Variants in EEFSEC observed in about 807,000 individuals in gnomAD.
EEFSEC encodes selenocysteine-specific elongation factor.
EEFSEC carries 43 observed loss-of-function variants against 42.1 expected under a neutral mutation model. The observed-to-expected ratio is 1.02, with a 90% CI of 0.80 to 1.32. The LOEUF is 1.32. EEFSEC is among the 40% of genes most tolerant of loss of function. The probability of loss-of-function intolerance (pLI) is 0.00; values close to 1 mark genes in which losing one functional copy is unlikely to be tolerated. For synonymous variants in EEFSEC, 354 were observed against 339.1 expected (o/e 1.04, Z -0.48); for missense variants, 745 against 803.6 (o/e 0.93, Z 0.88).
At chr3:128,342,392 T>C (rs2067266118) in intron 5 of EEFSEC, among the ~76,000 whole-genome samples, 1 of 152,168 alleles carries the variant, frequency 6.6e-6, no homozygotes, top group African/African-American at 2.4e-5. Flanking sequence ...GCCAGGTCTT[T>C]CCTCACCTGT....
chr3:128,184,096 G>A (rs1454243921), intron 1 of EEFSEC, among the ~76,000 whole-genome samples: 2 of 152,112 alleles, frequency 1.3e-5, no homozygotes, highest in Non-Finnish European at 2.9e-5. Flanking sequence ...GATTGATCTG[G>A]CCTTCCAGAT....
intron 1 of EEFSEC, 86 bp downstream of exon 1, chr3:128,153,909 C>T (rs1944311544): frequency 1.4e-6 from 2 of 1,415,272 alleles, no homozygotes; most frequent in Non-Finnish European, 1.8e-6. Context: ...GAGCCTTTGC[C>T]GGGACGGGAA....
chr3:128,276,226 C>A (rs948939774), intron 4 of EEFSEC, among the ~76,000 whole-genome samples: 1 of 152,200 alleles, frequency 6.6e-6, no homozygotes, highest in Non-Finnish European at 1.5e-5. Flanking sequence ...CATTATTTCT[C>A]ACACTCAGCT....
chr3:128,367,832 A>C (rs1480821822), intron 6 of EEFSEC: 1 of 985,176 alleles, frequency 1.0e-6, no homozygotes, highest in African/African-American at 1.7e-5. Context: ...CACCCATTTC[A>C]TCTGGAATGC....
chr3:128,216,797 A>G (rs901489849), intron 1 of EEFSEC, among the ~76,000 whole-genome samples: 1 of 152,234 alleles, frequency 6.6e-6, no homozygotes, highest in Admixed American at 6.5e-5. Context: ...TGTGGTCCCC[A>G]TAGTTGTGAC....
Position 128,341,469 on chromosome 3 carries a change from T to G in EEFSEC, c.1023T>G (p.His341Gln), listed in dbSNP as rs764779765. 3 of 1,614,168 alleles carry G rather than the reference T, an allele frequency of 1.9e-6. No homozygotes were observed. The South Asian group carries it at 3.3e-5, about 18-fold the overall frequency. ...CCAAGTTCCACATTACAGTGGGCCA[T>G]GAAACAGTCATGGGCCGGTTGATGT... ...TKAKFHITVG[H>Q]ETVMGRLMFF... Residue 341 changes from histidine to glutamine, a missense_variant, in exon 5 of 7, where the codon CAT becomes CAG. Physicochemically the swap from His to Gln is conservative, Grantham distance 24. Coordinates refer to ENST00000254730, the MANE Select transcript of EEFSEC (RefSeq NM_021937.5).
chr3:128,212,775 G>C (rs1249542473), intron 1 of EEFSEC, among the ~76,000 whole-genome samples: 1 of 152,126 alleles, frequency 6.6e-6, no homozygotes, highest in African/African-American at 2.4e-5. Flanking sequence ...AGTCTCTGTG[G>C]GCTTGGACAG....
intron 1 of EEFSEC, among the ~76,000 whole-genome samples, chr3:128,236,744 C>T (rs566649427): frequency 7.2e-5 from 11 of 152,200 alleles, no homozygotes; most frequent in East Asian, 1.9e-4. Flanking sequence ...ACTCCTTCTC[C>T]GCTGAGTCTG....
chr3:128,300,540 T>C (rs1484488467), intron 4 of EEFSEC, among the ~76,000 whole-genome samples: 5 of 62,764 alleles, frequency 8.0e-5, no homozygotes, highest in African/African-American at 3.6e-4. Context: ...AGACTCTGTC[T>C]GAAAAAAAAA....
chr3:128,343,223 C>G (rs939357802), intron 5 of EEFSEC, among the ~76,000 whole-genome samples: 1 of 152,196 alleles, frequency 6.6e-6, no homozygotes, highest in African/African-American at 2.4e-5. Flanking sequence ...CGCTCCAGGT[C>G]TCCGTCCACA....
At chr3:128,369,923 A>G (rs895808536) in intron 6 of EEFSEC, among the ~76,000 whole-genome samples, 2 of 152,242 alleles carry the variant, frequency 1.3e-5, no homozygotes, top group African/African-American at 2.4e-5. Flanking sequence ...ATTCTCCTGC[A>G]GAACCACAAC....
At chr3:128,258,610 G>A (rs1176246120) in intron 2 of EEFSEC, among the ~76,000 whole-genome samples, 2 of 152,202 alleles carry the variant, frequency 1.3e-5, no homozygotes, top group Non-Finnish European at 2.9e-5. Flanking sequence ...ATATGGGAAT[G>A]ATGACAGAAG....
At chr3:128,200,143 C>G (rs1251758913) in intron 1 of EEFSEC, among the ~76,000 whole-genome samples, 1 of 152,170 alleles carries the variant, frequency 6.6e-6, no homozygotes, top group Non-Finnish European at 1.5e-5. Flanking sequence ...ATCATACACA[C>G]CTGGGCTTAT....
the EEFSEC span, among the ~76,000 whole-genome samples, chr3:128,420,851 G>C: frequency 2.6e-5 from 4 of 152,096 alleles, no homozygotes; most frequent in African/African-American, 9.7e-5. Flanking sequence ...AGGCCCCACT[G>C]TGCCCCCTCC....
Position 128,317,745 on chromosome 3 carries a change from C to T in EEFSEC, c.787-23488C>T, listed in dbSNP as rs908475131. Among the ~76,000 whole-genome samples, 3 of 152,260 alleles carry T rather than the reference C, an allele frequency of 2.0e-5. No homozygotes were observed. The highest frequency in any genetic ancestry group is 2.9e-5 in the Non-Finnish European group (2 of 68,042). The stretch of plus-strand genomic sequence containing the variant: ...TTGTGCTCACGTACCATTCTCTCGC[C>T]GGCTGCTGACCAGTTGGGCCCTCTG... On this transcript the variant is annotated intron_variant, in intron 4 of 6. Coordinates refer to ENST00000254730, the MANE Select transcript of EEFSEC (RefSeq NM_021937.5). This position sits in a 1 kb window ranked among gnomAD's most constrained non-coding sequence, Gnocchi z 4.1.
intron 1 of EEFSEC, among the ~76,000 whole-genome samples, chr3:128,188,971 A>T (rs2065492588): frequency 6.6e-6 from 1 of 152,160 alleles, no homozygotes; most frequent in Non-Finnish European, 1.5e-5. Context: ...GGGGAGTTGG[A>T]CAGGTAGGGG....
chr3:128,341,240 A>AG lies in EEFSEC; in HGVS notation c.795dup (p.Lys266GlufsTer29). 2 of 1,604,948 alleles carry AG rather than the reference A, an allele frequency of 1.2e-6. No homozygotes were observed. Among genetic ancestry groups the AG allele is most frequent in the Non-Finnish European group, 1.7e-6 (2 of 1,175,152 alleles). On this transcript the variant is annotated frameshift_variant, in exon 5 of 7. Transcript: ENST00000254730. LOFTEE classifies it high-confidence loss of function. ...TTGCTTACTCCCCATCAGGTGGTGA[A>AG]GAAGGTGAAGTCCATGCAGATGTTC...
chr3:128,362,692 A>C (rs1192164614), intron 6 of EEFSEC, among the ~76,000 whole-genome samples: 2 of 152,182 alleles, frequency 1.3e-5, no homozygotes, highest in African/African-American at 2.4e-5. Context: ...ACTGATTCTC[A>C]CCAGGTAACA....
intron 4 of EEFSEC, among the ~76,000 whole-genome samples, chr3:128,270,799 C>T (rs1198003631): frequency 6.6e-6 from 1 of 152,230 alleles, no homozygotes; most frequent in Non-Finnish European, 1.5e-5. Context: ...TTTCCCCTAC[C>T]TGCAGTATGC....
Sources: gnomAD v4.1 joint callset for allele counts (sites outside exome capture counted in the v4.1 genomes callset) on GRCh38, gnomAD v4.1.1 for gene constraint, Gnocchi (gnomAD v3.1) non-coding constraint, MANE v1.5 for transcripts, NCBI Gene and HGNC (gene_info 2026-07-23, HGNC 2026-07-21) for gene names.